Variants in CASR observed in about 807,000 individuals in gnomAD.
CASR encodes the protein extracellular calcium-sensing receptor.
Under a neutral mutation model 69.1 loss-of-function variants are expected in CASR, and 23 were observed. The observed-to-expected ratio is 0.33, with a 90% CI of 0.24 to 0.47. The LOEUF (loss-of-function observed/expected upper bound fraction) is 0.47, where lower values mean the gene tolerates loss of function less well. CASR is among the 20% of genes least tolerant of loss of function. The probability of loss-of-function intolerance (pLI) is 1.00; values close to 1 mark genes in which losing one functional copy is unlikely to be tolerated. For missense variants in CASR, 924 were observed against 1,356.1 expected (o/e 0.68, Z 5.00); for synonymous variants, 541 against 544.7 (o/e 0.99, Z 0.10).
intron 1 of CASR, among the ~76,000 whole-genome samples, chr3:122,205,203 T>C (rs372201306): frequency 4.6e-5 from 7 of 152,300 alleles, no homozygotes; most frequent in Middle Eastern, 3.4e-3. Context: ...GTTAATTTCA[T>C]AGTTTCGGGT....
At chr3:122,267,412 G>A (rs2107637027) in intron 4 of CASR, among the ~76,000 whole-genome samples, 1 of 152,224 alleles carries the variant, frequency 6.6e-6, no homozygotes, top group South Asian at 2.1e-4. Context: ...ATTCAGGTTA[G>A]GATTTGAAGT....
rs1236033956 is a variant in CASR, at chr3:122,286,402, C to T, written c.*1211C>T. 1 of 152,154 alleles carries T rather than the reference C, an allele frequency of 6.6e-6. No homozygotes were observed. The highest frequency in any genetic ancestry group is 1.9e-4 in the East Asian group (1 of 5,200). 9.4% of individuals were successfully genotyped at this position (152,154 alleles called of 1,614,324 possible). On this transcript the variant is annotated 3_prime_UTR_variant, in exon 7 of 7. Transcript: ENST00000639785. ...TAATAATCATTCTTTCCCCTCAGAG[C>T]TCTTATGTGGATTAAACGAGATAAT... is the stretch of plus-strand genomic sequence containing the variant.
chr3:122,191,551 A>T (rs1366739455), intron 1 of CASR, among the ~76,000 whole-genome samples: 1 of 152,156 alleles, frequency 6.6e-6, no homozygotes, highest in Non-Finnish European at 1.5e-5. Flanking sequence ...ACCTCAGGTG[A>T]TCCACCCACC....
intron 1 of CASR, among the ~76,000 whole-genome samples, chr3:122,217,276 GT>G (rs748740469): frequency 6.6e-6 from 1 of 151,772 alleles, no homozygotes; most frequent in Non-Finnish European, 1.5e-5. Flanking sequence ...TTTTTTTGTA[GT>G]TTTTTGTAGA....
Position 122,254,217 on chromosome 3 carries a change from C to T in CASR, c.28C>T (p.Leu10Phe), listed in dbSNP as rs1327682547. 1 of 1,613,522 alleles carries T rather than the reference C, an allele frequency of 6.2e-7. No homozygotes were observed. The highest frequency in any genetic ancestry group is 8.5e-7 in the Non-Finnish European group (1 of 1,180,028). The change falls in exon 2 of 7, where the codon CTC becomes TTC. Residue 10 changes from leucine to phenylalanine, a missense_variant. By Grantham distance (22) the Leu-to-Phe change is conservative. This residue lies in a region of CASR where 28 missense variants were observed against 22.1 expected (regional missense o/e 1.27). Transcript: ENST00000639785. ...GGCATTTTATAGCTGCTGCTGGGTCCTCTTGGCACTCACCTGGCACACCTC... is the reference window on the plus strand; with the variant it reads ...GGCATTTTATAGCTGCTGCTGGGTCTTCTTGGCACTCACCTGGCACACCTC... MAFYSCCWV[L>F]LALTWHTSAY...
At chr3:122,198,849 A>G (rs974390422) in intron 1 of CASR, among the ~76,000 whole-genome samples, 1 of 151,844 alleles carries the variant, frequency 6.6e-6, no homozygotes, top group Non-Finnish European at 1.5e-5. Context: ...GGATATATAT[A>G]TATATGGGGG....
In CASR at chr3:122,252,362, A is replaced by AGAAG. The variant is rs11273970; in HGVS notation, c.-242-1542_-242-1539dup. 5.7e-4 allele frequency among the ~76,000 whole-genome samples: 15 copies of AGAAG among 26,254 alleles called. 1 individual carries two copies. The highest frequency in any genetic ancestry group is 2.3e-3 in the African/African-American group (15 of 6,402). The allele number at this position is 26,254 out of a possible 152,430, so 17.2% of individuals were successfully genotyped here. A position where few individuals can be genotyped will look rare whatever the true frequency, so the allele number is the denominator to read the frequency against. On this transcript the variant is annotated intron_variant, in intron 1 of 6. Coordinates refer to ENST00000639785, the MANE Select transcript of CASR (RefSeq NM_000388.4). ...AAAGAAAGAAGAAAGAAAGAAAGAA[A>AGAAG]GAAGGAAGGAAGGAAGGAAGGAAGG...
intron 1 of CASR, among the ~76,000 whole-genome samples, chr3:122,226,990 C>T (rs1275150729): frequency 2.0e-5 from 3 of 152,012 alleles, no homozygotes; most frequent in South Asian, 2.1e-4. Flanking sequence ...TACAGAGTGC[C>T]AATTGGTGTA....
chr3:122,254,095 C>A lies in CASR; in HGVS notation c.-95C>A. The A allele has an allele frequency of 9.7e-7, 1 of 1,034,442 alleles. No homozygotes were observed. The highest frequency in any genetic ancestry group is 1.3e-5 in the South Asian group (1 of 79,162). 64.1% of individuals were successfully genotyped at this position (1,034,442 alleles called of 1,614,324 possible). On this transcript the variant is annotated 5_prime_UTR_variant, in exon 2 of 7. Coordinates refer to ENST00000639785, the MANE Select transcript of CASR (RefSeq NM_000388.4). The stretch of plus-strand genomic sequence containing the variant: ...TTAATCAATCTGTAGACATGTGTCC[C>A]CACTGCAGGGAGTGAACTGCTCCAA...
intron 1 of CASR, among the ~76,000 whole-genome samples, chr3:122,241,996 G>A (rs1215693514): frequency 1.3e-5 from 2 of 151,858 alleles, no homozygotes; most frequent in Admixed American, 6.6e-5. Context: ...TATGATAAAA[G>A]CCCTCAAAAA....
intron 1 of CASR, among the ~76,000 whole-genome samples, chr3:122,194,635 C>T (rs536463569): frequency 6.6e-6 from 1 of 152,330 alleles, no homozygotes; most frequent in East Asian, 1.9e-4. Context: ...CTTTTCTCAT[C>T]AATGTTATGA....
At position 122,284,489 on chromosome 3, in the gene CASR, C is replaced by T. The variant is rs762616374; in HGVS notation, c.2535C>T (p.Ser845=). The part of the protein sequence containing the change: ...AVEVIAILAA[S]FGLLACIFFN... ...AGGTGATTGCCATCCTGGCAGCCAGCTTTGGCTTGCTGGCGTGCATCTTCT... is the reference window on the plus strand; with the variant it reads ...AGGTGATTGCCATCCTGGCAGCCAGTTTTGGCTTGCTGGCGTGCATCTTCT... The change falls in exon 7 of 7, where the codon AGC becomes AGT. Residue 845 remains serine, a synonymous_variant. Coordinates refer to ENST00000639785, the MANE Select transcript of CASR (RefSeq NM_000388.4). The T allele has an allele frequency of 1.2e-6, 2 of 1,613,524 alleles. No individual in the cohort carries two copies. Among genetic ancestry groups the T allele is most frequent in the South Asian group, 2.2e-5 (2 of 91,084 alleles).
intron 1 of CASR, among the ~76,000 whole-genome samples, chr3:122,229,279 G>A (rs1316015092): frequency 1.3e-5 from 2 of 149,500 alleles, no homozygotes; most frequent in African/African-American, 4.9e-5. Context: ...CACTCTTCTT[G>A]TAGCAAAATT....
intron 1 of CASR, among the ~76,000 whole-genome samples, chr3:122,188,997 G>C (rs964463462): frequency 2.6e-5 from 4 of 152,208 alleles, no homozygotes; most frequent in African/African-American, 9.7e-5. Flanking sequence ...TTCCACCAAA[G>C]GTGGATACTA....
intron 1 of CASR, among the ~76,000 whole-genome samples, chr3:122,194,542 A>G (rs1446228909): frequency 6.6e-6 from 1 of 152,084 alleles, no homozygotes; most frequent in African/African-American, 2.4e-5. Flanking sequence ...CACCCTTCCT[A>G]ATCTCCTTCC....
intron 4 of CASR, among the ~76,000 whole-genome samples, chr3:122,269,188 G>A (rs1024138146): frequency 2.0e-5 from 3 of 152,030 alleles, no homozygotes; most frequent in Non-Finnish European, 2.9e-5. Flanking sequence ...TTTCAGTTTA[G>A]AATTTAGATC....
At chr3:122,235,869 C>G (rs1237313265) in intron 1 of CASR, among the ~76,000 whole-genome samples, 1 of 152,152 alleles carries the variant, frequency 6.6e-6, no homozygotes, top group Non-Finnish European at 1.5e-5. Flanking sequence ...GAGCTCAGAA[C>G]AGAATATGAC....
intron 1 of CASR, among the ~76,000 whole-genome samples, chr3:122,208,934 T>G (rs1297318034): frequency 6.6e-6 from 1 of 152,204 alleles, no homozygotes; most frequent in Non-Finnish European, 1.5e-5. Context: ...TAGTTCACTC[T>G]CAGTCACTAG....
At chr3:122,251,946 C>A (rs1189861471) in intron 1 of CASR, among the ~76,000 whole-genome samples, 1 of 152,146 alleles carries the variant, frequency 6.6e-6, no homozygotes, top group East Asian at 1.9e-4. Context: ...TGCAAAAGAG[C>A]AAAACTGGAG....
Sources: gnomAD v4.1 joint callset for allele counts (sites outside exome capture counted in the v4.1 genomes callset) on GRCh38, gnomAD v4.1.1 for gene constraint, gnomAD v4.1.1 regional missense constraint, MANE v1.5 for transcripts, NCBI Gene and HGNC (gene_info 2026-07-23, HGNC 2026-07-21) for gene names.